SYNE1: variants seen among roughly 807,000 people sequenced by gnomAD.
SYNE1 encodes nesprin-1.
Under a neutral mutation model 1,111.0 loss-of-function variants are expected in SYNE1, and 616 were observed. The ratio of observed to expected loss-of-function variants is 0.55; its 90% CI spans 0.52 to 0.59. The LOEUF is 0.59. Ranked by LOEUF, SYNE1 falls within the 20% of genes least tolerant of loss-of-function variation. The pLI, the probability that SYNE1 is intolerant of heterozygous loss-of-function variation, is 0.00. For synonymous variants in SYNE1, 3,855 were observed against 3,825.8 expected (o/e 1.01, Z -0.28); for missense variants, 10,006 against 10,417.0 (o/e 0.96, Z 1.72).
chr6:152,225,653 C>G lies in SYNE1; in HGVS notation c.21351+68G>C, dbSNP rs1998621. 389 of 1,605,280 alleles carry G rather than the reference C, an allele frequency of 2.4e-4. 5 individuals are homozygous for G. In the East Asian group the frequency reaches 2.9e-3, roughly 12 times the overall value. On this transcript the variant is annotated intron_variant, in intron 116 of 145. Transcript: ENST00000367255. ...ATTTCCTCTGCTACTTTAGGAAAAC[C>G]AAAACCCAGAGTTTGGACAGAGCTG...
In SYNE1 at chr6:152,238,900, A is replaced by T. The variant is rs535736515; in HGVS notation, c.20067+633T>A. ...AAAAATATTTCTACATTTTACTTTC[A>T]TTTTTTTTTTTTTTTGAGACAGAGT... On this transcript the variant is annotated intron_variant, in intron 108 of 145. Coordinates refer to ENST00000367255, the MANE Select transcript of SYNE1 (RefSeq NM_182961.4). Among the ~76,000 whole-genome samples, 13 of 140,804 alleles carry T rather than the reference A, an allele frequency of 9.2e-5. No homozygotes were observed. The East Asian group carries it at 1.4e-3, about 16-fold the overall frequency. The allele number at this position is 140,804 out of a possible 152,430, so 92.4% of individuals were successfully genotyped here.
At chr6:152,572,575 C>T (rs981820001) in intron 3 of SYNE1, among the ~76,000 whole-genome samples, 3 of 152,164 alleles carry the variant, frequency 2.0e-5, no homozygotes, top group Non-Finnish European at 2.9e-5. Flanking sequence ...ACCCGCCCAA[C>T]GTCACAAAAC....
At chr6:152,506,629 C>A (rs894612548) in intron 8 of SYNE1, among the ~76,000 whole-genome samples, 2 of 151,984 alleles carry the variant, frequency 1.3e-5, no homozygotes, top group Non-Finnish European at 2.9e-5. Flanking sequence ...GCAACCTCCA[C>A]CCCCCAGGCT....
At chr6:152,303,496 T>C (rs1393348290) in intron 91 of SYNE1, among the ~76,000 whole-genome samples, 8 of 151,954 alleles carry the variant, frequency 5.3e-5, no homozygotes, top group Admixed American at 5.2e-4. Flanking sequence ...CATTCATATA[T>C]ATACACACAC....
chr6:152,397,227 G>A (rs551681), intron 49 of SYNE1, among the ~76,000 whole-genome samples: 1 of 151,826 alleles, frequency 6.6e-6, no homozygotes, highest in Admixed American at 6.6e-5. Flanking sequence ...TCTCACCAAG[G>A]TCTTGTTCTC....
chr6:152,350,740 G>T lies in SYNE1; in HGVS notation c.11611C>A (p.Pro3871Thr), dbSNP rs538184980. The stretch of plus-strand genomic sequence containing the variant: ...TTCTCTCTCACTGACTTTACTGATG[G>T]TTCATGGGACAGCACCGTTTGTTGA... ...SLQQTVLSHEPSVKSVREKGE... is the reference protein window; with the variant it reads ...SLQQTVLSHETSVKSVREKGE... The change falls in exon 71 of 146, where the codon CCA becomes ACA. Residue 3871 changes from proline to threonine, a missense_variant. Around this residue, in one of 7 missense-constraint regions of SYNE1, gnomAD observed 4,955 missense variants for 5,017.2 expected, o/e 0.99. Transcript: ENST00000367255. The T allele has an allele frequency of 1.2e-6, 2 of 1,613,632 alleles. No homozygotes were observed. The highest frequency in any genetic ancestry group is 1.7e-6 in the Non-Finnish European group (2 of 1,179,956).
chr6:152,173,029 C>G (rs2065583053), intron 130 of SYNE1, among the ~76,000 whole-genome samples: 1 of 152,188 alleles, frequency 6.6e-6, no homozygotes, highest in Non-Finnish European at 1.5e-5. Context: ...GTATTACATA[C>G]AGCAGATCTA....
chr6:152,189,442 A>G, intron 127 of SYNE1, 35 bp from the exon 128 acceptor site: 1 of 1,607,534 alleles, frequency 6.2e-7, no homozygotes, highest in Non-Finnish European at 8.5e-7. Flanking sequence ...ACCCACGGAC[A>G]TCTCCTGCCA....
At chr6:152,450,561 T>G in intron 27 of SYNE1, 64 bp downstream of exon 27, 40 of 1,322,514 alleles carry the variant, frequency 3.0e-5, no homozygotes, top group Non-Finnish European at 4.0e-5. Flanking sequence ...TGTTTTGTCA[T>G]GATCTCCGAA....
chr6:152,530,813 C>T (rs555565645), intron 4 of SYNE1, among the ~76,000 whole-genome samples: 5 of 151,892 alleles, frequency 3.3e-5, no homozygotes, highest in South Asian at 2.1e-4. Context: ...TTAGTAGACA[C>T]GGGGTTTCAC....
intron 131 of SYNE1, among the ~76,000 whole-genome samples, chr6:152,163,391 T>G (rs1188765242): frequency 2.0e-5 from 3 of 150,840 alleles, no homozygotes; most frequent in Non-Finnish European, 4.4e-5. Context: ...CTCAGCTACT[T>G]GGGAGGCTGA....
At chr6:152,319,479 T>C (rs2095819176) in intron 84 of SYNE1, among the ~76,000 whole-genome samples, 1 of 152,204 alleles carries the variant, frequency 6.6e-6, no homozygotes, top group African/African-American at 2.4e-5. Context: ...TAACTCTTTT[T>C]GTAACTTTCC....
chr6:152,133,906 G>A, intron 142 of SYNE1: 1 of 184,264 alleles, frequency 5.4e-6, no homozygotes, highest in Non-Finnish European at 1.1e-5. Context: ...AAAAAAAAAA[G>A]GGGTGATTCG....
In SYNE1 at chr6:152,390,660, A is replaced by T. The variant is rs58560898; in HGVS notation, c.8005-208T>A. Among the ~76,000 whole-genome samples, 795 of 152,312 alleles carry T rather than the reference A, an allele frequency of 5.2e-3. 12 individuals are homozygous for T. The highest frequency in any genetic ancestry group is 0.018 in the African/African-American group (753 of 41,556). ...GAGTCAAAGATTAATTCCAATATAAATTCTTAGAAAACTAGGACCACTAGC... is the reference window on the plus strand; with the variant it reads ...GAGTCAAAGATTAATTCCAATATAATTTCTTAGAAAACTAGGACCACTAGC... On this transcript the variant is annotated intron_variant, in intron 52 of 145. Transcript: ENST00000367255.
chr6:152,348,475 A>G (rs1156626551), intron 72 of SYNE1, among the ~76,000 whole-genome samples: 1 of 152,206 alleles, frequency 6.6e-6, no homozygotes, highest in Non-Finnish European at 1.5e-5. Context: ...ACCTGAGGTC[A>G]GGAGTTAGAG....
chr6:152,375,792 A>G (rs1412172893), intron 58 of SYNE1, among the ~76,000 whole-genome samples: 2 of 152,242 alleles, frequency 1.3e-5, no homozygotes, highest in African/African-American at 4.8e-5. Context: ...CTTGTCACAT[A>G]GAAAAAACGT....
At chr6:152,344,055 AAC>A (rs2096587832) in intron 74 of SYNE1, 24 bp downstream of exon 74, 2 of 1,614,104 alleles carry the variant, frequency 1.2e-6, no homozygotes, top group Non-Finnish European at 8.5e-7. Flanking sequence ...TCACAAGAAT[AAC>A]ACAAACTTTC....
intron 3 of SYNE1, among the ~76,000 whole-genome samples, chr6:152,610,663 C>T (rs755341917): frequency 6.6e-6 from 1 of 152,022 alleles, no homozygotes; most frequent in South Asian, 2.1e-4. Flanking sequence ...AGATACTCCT[C>T]GAGAAGAGCA....
At chr6:152,141,473 A>G in intron 138 of SYNE1, 144 bp from the exon 139 acceptor site, 1 of 1,120,216 alleles carries the variant, frequency 8.9e-7, no homozygotes, top group Non-Finnish European at 1.3e-6. Flanking sequence ...ATAAGCCAAG[A>G]TGGCCGAGTG....
Sources: gnomAD v4.1 joint callset for allele counts (sites outside exome capture counted in the v4.1 genomes callset) on GRCh38, gnomAD v4.1.1 for gene constraint, gnomAD v4.1.1 regional missense constraint, MANE v1.5 for transcripts, NCBI Gene and HGNC (gene_info 2026-07-23, HGNC 2026-07-21) for gene names.